The following MTHFD1 variants were observed in gnomAD, a reference collection of about 807,000 sequenced individuals.
MTHFD1 encodes the protein methylenetetrahydrofolate dehydrogenase, cyclohydrolase and formyltetrahydrofolate synthetase 1.
A neutral mutation model predicts 110.3 loss-of-function variants in MTHFD1; 44 were observed. The ratio of observed to expected loss-of-function variants is 0.40; its 90% confidence interval spans 0.31 to 0.51. MTHFD1 has a LOEUF of 0.51. MTHFD1 is among the 20% of genes least tolerant of loss of function. MTHFD1 has a pLI of 0.60. For missense variants in MTHFD1, 909 were observed against 1,173.1 expected, an observed-to-expected ratio of 0.77 and a Z score of 3.29; for synonymous variants, 402 against 428.8, an observed-to-expected ratio of 0.94 and a Z score of 0.77.
intron 6 of MTHFD1, 73 bp downstream of exon 6, chr14:64,415,812 G>A (rs1399695703): frequency 2.8e-6 from 4 of 1,440,984 alleles, no homozygotes; most frequent in Non-Finnish European, 2.9e-6. Flanking sequence ...GTGGCATAGA[G>A]GAGGTACATT....
In MTHFD1 at chr14:64,416,111, G is replaced by T. The variant is rs117135743; in HGVS notation, c.478+372G>T. 1.1e-4 allele frequency among the ~76,000 whole-genome samples: 16 copies of T among 152,222 alleles called. No homozygotes were observed. The East Asian group carries it at 3.1e-3, about 29-fold the overall frequency. On this transcript the variant is annotated intron_variant, in intron 6 of 27. Coordinates refer to ENST00000652337, the MANE Select transcript of MTHFD1 (RefSeq NM_005956.4). ...TACAAAAAAATTATCCAGGCAGGGT[G>T]GCATGCACCTGTATTCCCAGCTATT...
At chr14:64,420,134 A>G (rs544828314) in intron 8 of MTHFD1, among the ~76,000 whole-genome samples, 2 of 152,174 alleles carry the variant, frequency 1.3e-5, no homozygotes, top group Non-Finnish European at 2.9e-5. Flanking sequence ...TTTGATTTTC[A>G]TCATGTGCTG....
rs2078246182 is a variant in MTHFD1 at position 64,441,462 on chromosome 14, A to C, written c.1884+9A>C. The C allele has an allele frequency of 1.9e-6, 3 of 1,613,570 alleles. No individual in the cohort carries two copies. The East Asian group carries it at 6.7e-5, about 36-fold the overall frequency. On this transcript the variant is annotated intron_variant, in intron 19 of 27. Transcript: ENST00000652337. ...TCATGCAGACACTGGAGGTGAGCAG[A>C]GTGACTCCTGCCTTCTTGAATTGGT...
chr14:64,449,394 C>G, intron 23 of MTHFD1, 51 bp from the exon 24 acceptor site: 3 of 1,587,850 alleles, frequency 1.9e-6, no homozygotes, highest in Non-Finnish European at 1.7e-6. Context: ...GAAGACAATT[C>G]TGTCTCTCCA....
chr14:64,428,215 AAG>A (rs1303661744), intron 12 of MTHFD1, among the ~76,000 whole-genome samples: 1 of 149,120 alleles, frequency 6.7e-6, no homozygotes, highest in East Asian at 2.0e-4. Context: ...TTCTGGGTTC[AAG>A]AGACTCTCCT....
chr14:64,411,276 T>C, intron 3 of MTHFD1, 127 bp downstream of exon 3: 1 of 739,764 alleles, frequency 1.4e-6, no homozygotes, highest in Non-Finnish European at 2.4e-6. Context: ...AGTTTATCTA[T>C]TTTGTAAGTC....
chr14:64,415,869 T>C, intron 6 of MTHFD1, 130 bp downstream of exon 6: 1 of 878,464 alleles, frequency 1.1e-6, no homozygotes, highest in South Asian at 1.4e-5. Context: ...GCCTGTCTAC[T>C]AAGGATGTTA....
intron 1 of MTHFD1, among the ~76,000 whole-genome samples, chr14:64,398,232 A>C (rs2077872368): frequency 6.6e-6 from 1 of 152,214 alleles, no homozygotes; most frequent in Admixed American, 6.5e-5. Context: ...TGACTTGAAA[A>C]AACAAAGTCA....
chr14:64,452,850 A>G (rs1410112744), intron 24 of MTHFD1, among the ~76,000 whole-genome samples: 1 of 152,058 alleles, frequency 6.6e-6, no homozygotes, highest in African/African-American at 2.4e-5. Flanking sequence ...CAGTATTAGA[A>G]TAGAACATCT....
rs929605681 is a variant in MTHFD1, at chr14:64,442,476, T to C, written c.2136+74T>C. ...AAAAGGAAGTTGGATGACTTCTGCC[T>C]GTTTCTTCATTGAGTTGCTCTTATC... On this transcript the variant is annotated intron_variant, in intron 21 of 27. Coordinates refer to ENST00000652337, the MANE Select transcript of MTHFD1 (RefSeq NM_005956.4). 2.7e-6 allele frequency: 4 copies of C among 1,473,762 alleles called. No individual in the cohort carries two copies. The East Asian group carries it at 9.0e-5, about 33-fold the overall frequency. 91.3% of individuals were successfully genotyped at this position (1,473,762 alleles called of 1,614,324 possible). A position where few individuals can be genotyped will look rare whatever the true frequency, so the allele number is the denominator to read the frequency against.
intron 5 of MTHFD1, 57 bp downstream of exon 5, chr14:64,415,551 C>T: frequency 6.2e-7 from 1 of 1,613,440 alleles, no homozygotes. Context: ...TAATATGTTT[C>T]TATTTGGGGA....
At chr14:64,438,999 C>A (rs932612114) in intron 16 of MTHFD1, 97 bp from the exon 17 acceptor site, 2 of 857,174 alleles carry the variant, frequency 2.3e-6, no homozygotes, top group Non-Finnish European at 2.0e-6. Flanking sequence ...GATAGACAAT[C>A]ATGAAATTAG....
At chr14:64,427,746 T>C (rs73277975) in intron 12 of MTHFD1, among the ~76,000 whole-genome samples, 9,438 of 152,210 alleles carry the variant, frequency 0.062, 510 homozygotes, top group African/African-American at 0.16. Context: ...AGTCCACTGC[T>C]ACAGTAACCA....
At chr14:64,450,122 T>TA (rs1405132662) in intron 24 of MTHFD1, among the ~76,000 whole-genome samples, 1 of 152,196 alleles carries the variant, frequency 6.6e-6, no homozygotes, top group African/African-American at 2.4e-5. Flanking sequence ...TGCCACTGCT[T>TA]ACTTACAGAG....
chr14:64,453,823 C>A lies in MTHFD1; in HGVS notation c.2527C>A (p.Pro843Thr). Residue 843 changes from proline (P) to threonine (T), a missense_variant, in exon 25 of 28, where the codon CCC (proline) becomes ACC (threonine). Pro to Thr is a conservative substitution (Grantham distance 38, BLOSUM62 -1). Around this residue, in one of 3 missense-constraint regions of MTHFD1, gnomAD observed 482 missense variants for 646.0 expected, o/e 0.75. Transcript: ENST00000652337. ...TGGAGCAGATGACATTGAATTACTTCCCGAAGCTCAACACAAAGCTGAAGT... is the reference window on the plus strand; with the variant it reads ...TGGAGCAGATGACATTGAATTACTTACCGAAGCTCAACACAAAGCTGAAGT... ...IYGADDIELL[P>T]EAQHKAEVYT... 1 of 1,612,522 alleles carries A rather than the reference C, an allele frequency of 6.2e-7. No homozygotes were observed. Among genetic ancestry groups the A allele is most frequent in the South Asian group, 1.1e-5 (1 of 91,036 alleles).
intron 8 of MTHFD1, among the ~76,000 whole-genome samples, chr14:64,421,662 T>C (rs1387655137): frequency 2.6e-5 from 4 of 151,868 alleles, no homozygotes; most frequent in East Asian, 3.9e-4. Flanking sequence ...CTCGCTCTGT[T>C]GCCCAGGCTG....
At chr14:64,415,567 G>A in intron 5 of MTHFD1, 72 bp from the exon 6 acceptor site, 1 of 1,613,146 alleles carries the variant, frequency 6.2e-7, no homozygotes, top group African/African-American at 1.3e-5. Flanking sequence ...GGGGAATACA[G>A]CATAAATGTT....
intron 1 of MTHFD1, among the ~76,000 whole-genome samples, chr14:64,391,380 G>C (rs959877659): frequency 6.6e-6 from 1 of 152,160 alleles, no homozygotes; most frequent in African/African-American, 2.4e-5. Flanking sequence ...GGTCAAGCTG[G>C]TCTTGAACTC....
At chr14:64,397,986 A>G (rs1195289509) in intron 1 of MTHFD1, among the ~76,000 whole-genome samples, 7 of 152,300 alleles carry the variant, frequency 4.6e-5, no homozygotes, top group African/African-American at 1.7e-4. Flanking sequence ...TATAAGACTT[A>G]GGGCCAAAGA....
Sources: allele counts gnomAD v4.1 joint callset (sites outside exome capture counted in the v4.1 genomes callset), GRCh38; gene constraint gnomAD v4.1.1; regional missense constraint gnomAD v4.1.1; transcripts MANE v1.5; gene names NCBI Gene and HGNC (gene_info 2026-07-23, HGNC 2026-07-21).